FUT9: variants seen among roughly 807,000 people sequenced by gnomAD.
FUT9 encodes 4-galactosyl-N-acetylglucosaminide 3-alpha-L-fucosyltransferase 9.
Under a neutral mutation model 29.7 loss-of-function variants are expected in FUT9, and 15 were observed. The observed-to-expected ratio is 0.51, with a 90% CI of 0.34 to 0.78. FUT9 has a LOEUF of 0.78. FUT9 is among the 30% of genes least tolerant of loss of function. The probability of loss-of-function intolerance (pLI) is 0.01; values close to 1 mark genes in which losing one functional copy is unlikely to be tolerated. For missense variants in FUT9, 319 were observed against 425.4 expected (o/e 0.75, Z 2.20); for synonymous variants, 169 against 153.7 (o/e 1.10, Z -0.74).
intron 1 of FUT9, among the ~76,000 whole-genome samples, chr6:96,097,956 T>C (rs752419698): frequency 2.0e-5 from 3 of 151,968 alleles, no homozygotes; most frequent in Non-Finnish European, 4.4e-5. Context: ...ACCTTCAAAA[T>C]ACCGTGCCAC....
chr6:96,018,112 AT>A (rs1770011865), intron 1 of FUT9, among the ~76,000 whole-genome samples: 1 of 152,116 alleles, frequency 6.6e-6, no homozygotes, highest in Non-Finnish European at 1.5e-5. Context: ...TAATGAGTTT[AT>A]TGTTGGTTTT....
chr6:96,179,978 T>G (rs1051384831), intron 2 of FUT9, among the ~76,000 whole-genome samples: 5 of 152,148 alleles, frequency 3.3e-5, no homozygotes, highest in African/African-American at 1.2e-4. Flanking sequence ...ACATTCATGC[T>G]GTAAAATACC....
chr6:96,043,146 G>T (rs543465097), intron 1 of FUT9, among the ~76,000 whole-genome samples: 128 of 152,200 alleles, frequency 8.4e-4, no homozygotes, highest in Non-Finnish European at 1.7e-3. Context: ...CCGCCTCCCG[G>T]GTTCATGCCA....
rs1202773839 is a variant in FUT9 at position 96,209,830 on chromosome 6, C to G, written c.*5595C>G. On this transcript the variant is annotated 3_prime_UTR_variant, in exon 3 of 3. Coordinates refer to ENST00000302103, the MANE Select transcript of FUT9 (RefSeq NM_006581.4). Reference sequence around the variant, plus strand: ...AGAATCACCAGAAGTGTTAACAATACCGATTTCTGGGCTTTGAGCCATGAA... The same window carrying G: ...AGAATCACCAGAAGTGTTAACAATAGCGATTTCTGGGCTTTGAGCCATGAA... The G allele has an allele frequency of 6.0e-6, 1 of 166,532 alleles. No homozygotes were observed. Among genetic ancestry groups the G allele is most frequent in the African/African-American group, 2.4e-5 (1 of 41,386 alleles). 10.3% of individuals were successfully genotyped at this position (166,532 alleles called of 1,614,324 possible). A position where few individuals can be genotyped will look rare whatever the true frequency, so the allele number is the denominator to read the frequency against.
chr6:96,039,656 G>C (rs374772820), intron 1 of FUT9, among the ~76,000 whole-genome samples: 1 of 151,970 alleles, frequency 6.6e-6, no homozygotes, highest in Admixed American at 6.6e-5. Context: ...AGCCAAACCC[G>C]TACTTTCCTA....
intron 1 of FUT9, among the ~76,000 whole-genome samples, chr6:96,025,402 C>T (rs759660858): frequency 6.6e-6 from 1 of 151,754 alleles, no homozygotes; most frequent in Admixed American, 6.6e-5. Flanking sequence ...GACTGTCTAT[C>T]GCCCAGTGGC....
intron 1 of FUT9, among the ~76,000 whole-genome samples, chr6:96,040,096 A>C (rs2127932043): frequency 6.6e-6 from 1 of 152,292 alleles, no homozygotes; most frequent in Admixed American, 6.5e-5. Context: ...GACATTATAT[A>C]AAATTTTTAA....
At chr6:96,149,357 A>G (rs562514706) in intron 2 of FUT9, among the ~76,000 whole-genome samples, 13 of 152,178 alleles carry the variant, frequency 8.5e-5, no homozygotes, top group African/African-American at 2.4e-4. Flanking sequence ...AAAAGTCTCT[A>G]TTAGAAACTA....
chr6:96,200,388 G>T (rs558961231), intron 2 of FUT9, among the ~76,000 whole-genome samples: 96 of 152,246 alleles, frequency 6.3e-4, no homozygotes, highest in African/African-American at 2.2e-3. Context: ...GATTACAGAA[G>T]GAAAGAGAGA....
chr6:96,060,335 CATACTAAATTAAACTTAATT>C (rs1770851006), intron 1 of FUT9, among the ~76,000 whole-genome samples: 1 of 152,156 alleles, frequency 6.6e-6, no homozygotes, highest in Non-Finnish European at 1.5e-5. Flanking sequence ...ATAACATTTA[CATACTAAATTAAACTTAATT>C]ATACAGCATA....
intron 2 of FUT9, among the ~76,000 whole-genome samples, chr6:96,116,971 A>C (rs965743542): frequency 6.6e-6 from 1 of 152,188 alleles, no homozygotes; most frequent in Non-Finnish European, 1.5e-5. Flanking sequence ...AAAGAAAACA[A>C]ATAGGATGTA....
intron 1 of FUT9, among the ~76,000 whole-genome samples, chr6:96,073,624 C>A (rs1372768431): frequency 6.6e-6 from 1 of 152,112 alleles, no homozygotes; most frequent in Non-Finnish European, 1.5e-5. Flanking sequence ...TTATCAGTAT[C>A]TTGCTATTAA....
intron 2 of FUT9, among the ~76,000 whole-genome samples, chr6:96,134,528 A>T (rs1416400337): frequency 6.6e-6 from 1 of 151,870 alleles, no homozygotes; most frequent in East Asian, 1.9e-4. Context: ...CAAATATTTC[A>T]ATATGATAAA....
At chr6:96,043,241 C>T (rs1003185214) in intron 1 of FUT9, among the ~76,000 whole-genome samples, 17 of 152,038 alleles carry the variant, frequency 1.1e-4, no homozygotes, top group Non-Finnish European at 1.8e-4. Context: ...TTAGTAGAGA[C>T]GGGGTTTCAC....
chr6:96,073,011 A>G (rs1771087721), intron 1 of FUT9, among the ~76,000 whole-genome samples: 2 of 152,182 alleles, frequency 1.3e-5, no homozygotes, highest in African/African-American at 4.8e-5. Context: ...AGCTGGAGAG[A>G]TACACATGAA....
chr6:96,147,734 G>A (rs1166259214), intron 2 of FUT9, among the ~76,000 whole-genome samples: 1 of 151,412 alleles, frequency 6.6e-6, no homozygotes, highest in African/African-American at 2.4e-5. Flanking sequence ...GAAGACCCTA[G>A]GAGTTTTTCA....
chr6:96,081,169 A>G (rs1771230916), intron 1 of FUT9, among the ~76,000 whole-genome samples: 1 of 151,870 alleles, frequency 6.6e-6, no homozygotes, highest in Admixed American at 6.6e-5. Context: ...TTTAAGGAAT[A>G]TTTTTCAATG....
At chr6:96,030,768 T>A (rs1332229198) in intron 1 of FUT9, among the ~76,000 whole-genome samples, 1 of 151,506 alleles carries the variant, frequency 6.6e-6, no homozygotes, top group East Asian at 1.9e-4. Context: ...AACTGGTATA[T>A]TCATACAATG....
chr6:96,199,309 T>G (rs1773686890), intron 2 of FUT9, among the ~76,000 whole-genome samples: 1 of 152,126 alleles, frequency 6.6e-6, no homozygotes, highest in Admixed American at 6.6e-5. Context: ...GAGATGTCAA[T>G]TTGGCCCCAA....
Sources: allele counts gnomAD v4.1 joint callset (sites outside exome capture counted in the v4.1 genomes callset), GRCh38; gene constraint gnomAD v4.1.1; transcripts MANE v1.5; gene names NCBI Gene and HGNC (gene_info 2026-07-23, HGNC 2026-07-21).